The following SYNDIG1L variants were observed in gnomAD, a reference collection of about 807,000 sequenced individuals.
The protein encoded by SYNDIG1L is synapse differentiation inducing 1 like.
In SYNDIG1L, 13 loss-of-function variants were observed where a neutral mutation model predicts 20.1. The observed-to-expected ratio is 0.65, with a 90% CI of 0.42 to 1.03. The LOEUF (loss-of-function observed/expected upper bound fraction) is 1.03. Among genes scored for constraint, SYNDIG1L ranks in the 50% least tolerant of loss-of-function variants. The pLI, the probability that SYNDIG1L is intolerant of heterozygous loss-of-function variation, is 0.00. For missense variants in SYNDIG1L, 294 were observed against 305.1 expected (o/e 0.96, Z 0.27); for synonymous variants, 128 against 129.3 (o/e 0.99, Z 0.07).
chr14:74,440,826 C>T, the SYNDIG1L span, among the ~76,000 whole-genome samples: 5 of 152,052 alleles, frequency 3.3e-5, no homozygotes, highest in African/African-American at 9.7e-5. Flanking sequence ...AATTACTAGG[C>T]TTTAAGGCAC....
chr14:74,432,180 T>TGTGTGTGTGTGTGTGTGTGAGAGA, the SYNDIG1L span, among the ~76,000 whole-genome samples: 2 of 124,072 alleles, frequency 1.6e-5, no homozygotes, highest in Admixed American at 1.7e-4. Context: ...TGTGTGTGTG[T>TGTGTGTGTGTGTGTGTGTGAGAGA]GAGAGAGAGA....
the SYNDIG1L span, among the ~76,000 whole-genome samples, chr14:74,438,270 G>A: frequency 6.6e-6 from 1 of 152,246 alleles, no homozygotes; most frequent in Non-Finnish European, 1.5e-5. Context: ...GTTCTCCTTA[G>A]GCTTACAAAA....
chr14:74,416,327 T>G (rs2086174259), intron 1 of SYNDIG1L, among the ~76,000 whole-genome samples: 1 of 152,182 alleles, frequency 6.6e-6, no homozygotes, highest in Non-Finnish European at 1.5e-5. Flanking sequence ...GTATTATATC[T>G]CAAAGATGAC....
At chr14:74,440,145 C>T in the SYNDIG1L span, among the ~76,000 whole-genome samples, 1 of 151,732 alleles carries the variant, frequency 6.6e-6, no homozygotes, top group African/African-American at 2.4e-5. Context: ...TTTGGGAGGC[C>T]GATGCGGGCA....
At chr14:74,409,147 T>C (rs931374626) in intron 2 of SYNDIG1L, among the ~76,000 whole-genome samples, 181 bp downstream of exon 2, 2 of 151,934 alleles carry the variant, frequency 1.3e-5, no homozygotes, top group Non-Finnish European at 1.5e-5. Context: ...GGTGCAATCA[T>C]AGCTCACTGC....
chr14:74,469,166 G>A, the SYNDIG1L span, among the ~76,000 whole-genome samples: 7 of 152,156 alleles, frequency 4.6e-5, no homozygotes, highest in Admixed American at 4.6e-4. Context: ...ACCCAGTGCA[G>A]TGGCTGCAGT....
the SYNDIG1L span, among the ~76,000 whole-genome samples, chr14:74,451,830 A>AAAACAG: frequency 6.6e-6 from 1 of 152,038 alleles, no homozygotes; most frequent in African/African-American, 2.4e-5. Context: ...TCTCTACTAA[A>AAAACAG]AATACAAAAA....
At chr14:74,441,081 A>C in the SYNDIG1L span, among the ~76,000 whole-genome samples, 1 of 152,234 alleles carries the variant, frequency 6.6e-6, no homozygotes, top group Non-Finnish European at 1.5e-5. Flanking sequence ...GGGGACAAAG[A>C]AAGTTATTAT....
intron 1 of SYNDIG1L, among the ~76,000 whole-genome samples, chr14:74,413,370 C>G (rs554087120): frequency 6.6e-6 from 1 of 152,264 alleles, no homozygotes; most frequent in East Asian, 1.9e-4. Context: ...CAATTGGGAA[C>G]AAGTTAAATA....
chr14:74,413,378 A>G (rs979284818), intron 1 of SYNDIG1L, among the ~76,000 whole-genome samples: 10 of 152,232 alleles, frequency 6.6e-5, no homozygotes, highest in Non-Finnish European at 1.2e-4. Context: ...AACAAGTTAA[A>G]TAAATTACTG....
At chr14:74,457,480 C>G in the SYNDIG1L span, among the ~76,000 whole-genome samples, 4 of 152,058 alleles carry the variant, frequency 2.6e-5, no homozygotes, top group African/African-American at 9.7e-5. Flanking sequence ...CTCCTTCCAT[C>G]CTCTGCGGCC....
At chr14:74,465,849 AG>A in the SYNDIG1L span, among the ~76,000 whole-genome samples, 1 of 152,190 alleles carries the variant, frequency 6.6e-6, no homozygotes, top group Non-Finnish European at 1.5e-5. Context: ...TCAAAGCCCT[AG>A]GGTCAGCAGA....
intron 1 of SYNDIG1L, among the ~76,000 whole-genome samples, chr14:74,410,931 G>T (rs1461013896): frequency 6.6e-6 from 1 of 152,134 alleles, no homozygotes; most frequent in Admixed American, 6.5e-5. Context: ...TGGAAGTATG[G>T]AGACACTCAG....
intron 1 of SYNDIG1L, among the ~76,000 whole-genome samples, chr14:74,414,590 T>A (rs1286192781): frequency 6.6e-6 from 1 of 152,148 alleles, no homozygotes; most frequent in Non-Finnish European, 1.5e-5. Context: ...AATCATACAG[T>A]GTGACATTGG....
chr14:74,409,375 C>A lies in SYNDIG1L; in HGVS notation c.370G>T (p.Val124Leu). ...NVTIQTVSYGVQEELRDQEDD... is the reference protein window; with the variant it reads ...NVTIQTVSYGLQEELRDQEDD... ...TCCTGGTCCCGCAGCTCCTCTTGTA[C>A]CCCATAGGACACAGTCTGGATGGTG... Residue 124 changes from valine (V) to leucine (L), a missense_variant, in exon 2 of 4, where the codon GTA becomes TTA. Physicochemically the swap from Val to Leu is conservative, Grantham distance 32. Transcript: ENST00000331628. 1 of 1,601,816 alleles carries A rather than the reference C, an allele frequency of 6.2e-7. No individual in the cohort carries two copies. Among genetic ancestry groups the A allele is most frequent in the Non-Finnish European group, 8.5e-7 (1 of 1,174,686 alleles).
chr14:74,480,108 G>T, the SYNDIG1L span: 1 of 1,551,886 alleles, frequency 6.4e-7, no homozygotes, highest in East Asian at 2.4e-5. Flanking sequence ...CAACCACTGA[G>T]AACCAGCCAC....
chr14:74,464,494 A>G, the SYNDIG1L span, among the ~76,000 whole-genome samples: 19,798 of 152,100 alleles, frequency 0.13, 2,828 homozygotes, highest in African/African-American at 0.35. Context: ...TGGGTAAATG[A>G]GTCTTAACTA....
At chr14:74,463,192 T>C in the SYNDIG1L span, among the ~76,000 whole-genome samples, 1 of 152,238 alleles carries the variant, frequency 6.6e-6, no homozygotes, top group African/African-American at 2.4e-5. Flanking sequence ...CCTTATCATA[T>C]GTGGCTTCCC....
intron 1 of SYNDIG1L, among the ~76,000 whole-genome samples, chr14:74,420,935 T>C (rs1172584030): frequency 1.3e-5 from 2 of 152,086 alleles, no homozygotes; most frequent in Non-Finnish European, 2.9e-5. Context: ...TCAGAGGAAA[T>C]TCATACTAGC....
Sources: gnomAD v4.1 joint callset for allele counts (sites outside exome capture counted in the v4.1 genomes callset) on GRCh38, gnomAD v4.1.1 for gene constraint, MANE v1.5 for transcripts, NCBI Gene and HGNC (gene_info 2026-07-23, HGNC 2026-07-21) for gene names.